STXBP5L: variants seen among roughly 807,000 people sequenced by gnomAD.
STXBP5L encodes syntaxin binding protein 5L.
STXBP5L carries 65 observed loss-of-function variants against 144.5 expected under a neutral mutation model. The ratio of observed to expected loss-of-function variants is 0.45; its 90% CI spans 0.37 to 0.55. The LOEUF (loss-of-function observed/expected upper bound fraction) is 0.55, where lower values mean the gene tolerates loss of function less well. Ranked by LOEUF, STXBP5L falls within the 20% of genes least tolerant of loss-of-function variation. STXBP5L has a pLI of 0.00. For synonymous variants in STXBP5L, 505 were observed against 469.6 expected, an observed-to-expected ratio of 1.08 and a Z score of -0.97; for missense variants, 1,298 against 1,405.5, an observed-to-expected ratio of 0.92 and a Z score of 1.22.
At chr3:121,204,608 A>C (rs920484335) in intron 9 of STXBP5L, among the ~76,000 whole-genome samples, 2 of 145,470 alleles carry the variant, frequency 1.4e-5, no homozygotes, top group African/African-American at 4.9e-5. Context: ...TATGTAATAG[A>C]TATGTAATAG....
At chr3:121,159,770 C>A (rs887166204) in intron 9 of STXBP5L, among the ~76,000 whole-genome samples, 1 of 151,660 alleles carries the variant, frequency 6.6e-6, no homozygotes, top group Non-Finnish European at 1.5e-5. Flanking sequence ...GCTGGGACTA[C>A]AGGCGCCCGC....
chr3:121,048,401 G>T (rs1027959444), intron 5 of STXBP5L, among the ~76,000 whole-genome samples: 1 of 152,100 alleles, frequency 6.6e-6, no homozygotes, highest in Admixed American at 6.6e-5. Context: ...CTCTAGTGAG[G>T]CTGGGGACGT....
intron 3 of STXBP5L, among the ~76,000 whole-genome samples, chr3:120,995,478 C>A (rs2108000912): frequency 6.6e-6 from 1 of 152,072 alleles, no homozygotes; most frequent in South Asian, 2.1e-4. Flanking sequence ...TTCTGTTTCT[C>A]TTTTCTTACC....
chr3:121,414,805 T>G (rs1291930775), intron 24 of STXBP5L, among the ~76,000 whole-genome samples: 1 of 152,204 alleles, frequency 6.6e-6, no homozygotes, highest in Non-Finnish European at 1.5e-5. Context: ...ATTAAAAAGT[T>G]TTAGCAGATT....
At chr3:121,205,307 G>T (rs1331791348) in intron 9 of STXBP5L, among the ~76,000 whole-genome samples, 3 of 152,198 alleles carry the variant, frequency 2.0e-5, no homozygotes, top group Non-Finnish European at 2.9e-5. Flanking sequence ...TTATAACATG[G>T]TGGAAGGTAT....
Position 120,990,934 on chromosome 3 carries a change from A to T in STXBP5L, c.287+35897A>T, listed in dbSNP as rs954168152. The stretch of plus-strand genomic sequence containing the variant: ...CATAGGCATGGGCAAGGACTTCATG[A>T]CTAAAACACCAAAAGCAATGGCAAC... On this transcript the variant is annotated intron_variant, in intron 3 of 26. Transcript: ENST00000471454. 3.9e-4 allele frequency among the ~76,000 whole-genome samples: 60 copies of T among 152,142 alleles called. 1 individual carries two copies. In the East Asian group the frequency reaches 8.9e-3, roughly 23 times the overall value.
In STXBP5L at chr3:121,152,269, A is replaced by C. The variant is rs1875867; in HGVS notation, c.670-208A>C. Among the ~76,000 whole-genome samples, 19,696 of 151,602 alleles carry C rather than the reference A, an allele frequency of 0.13. 1,308 individuals carry two copies. The highest frequency in any genetic ancestry group is 0.14 in the Non-Finnish European group (9,388 of 67,862). ...TATATTCTTCCTTATTTCCTCTTTGAAATTAGGTGATTTATTGGTAAGTGT... is the reference window on the plus strand; with the variant it reads ...TATATTCTTCCTTATTTCCTCTTTGCAATTAGGTGATTTATTGGTAAGTGT... On this transcript the variant is annotated intron_variant, in intron 7 of 26. Coordinates refer to ENST00000471454, the MANE Select transcript of STXBP5L (RefSeq NM_001308330.2).
At chr3:121,005,999 G>C (rs1037557867) in intron 3 of STXBP5L, among the ~76,000 whole-genome samples, 1 of 152,154 alleles carries the variant, frequency 6.6e-6, no homozygotes, top group Non-Finnish European at 1.5e-5. Context: ...GAATAGGTAT[G>C]GTGTGGTGCT....
chr3:121,048,133 T>G (rs1467140434), intron 5 of STXBP5L, among the ~76,000 whole-genome samples: 1 of 152,216 alleles, frequency 6.6e-6, no homozygotes, highest in African/African-American at 2.4e-5. Context: ...TATGAAATTC[T>G]TGCTTGGAAA....
chr3:120,966,400 CTCCCCA>C (rs1939578187), intron 3 of STXBP5L, among the ~76,000 whole-genome samples: 1 of 152,200 alleles, frequency 6.6e-6, no homozygotes, highest in African/African-American at 2.4e-5. Context: ...GCTCTGGTTT[CTCCCCA>C]TCTTTGTGGC....
At chr3:121,150,690 T>A (rs1411660575) in intron 7 of STXBP5L, among the ~76,000 whole-genome samples, 2 of 152,118 alleles carry the variant, frequency 1.3e-5, no homozygotes, top group African/African-American at 4.8e-5. Flanking sequence ...TTTAGAAAGA[T>A]TATATTATTC....
intron 3 of STXBP5L, among the ~76,000 whole-genome samples, chr3:121,031,775 A>G (rs1024226516): frequency 6.6e-6 from 1 of 152,142 alleles, no homozygotes; most frequent in Non-Finnish European, 1.5e-5. Context: ...AAGGAGTTGC[A>G]ATGTGAAAGA....
intron 4 of STXBP5L, 83 bp downstream of exon 4, chr3:121,041,864 G>A (rs1392380158): frequency 2.3e-6 from 2 of 883,678 alleles, no homozygotes; most frequent in East Asian, 2.5e-5. Flanking sequence ...TAAATACTGT[G>A]ATTCTAAATG....
At chr3:121,419,004 T>G in intron 26 of STXBP5L, 52 bp from the exon 27 acceptor site, 1 of 1,579,744 alleles carries the variant, frequency 6.3e-7, no homozygotes, top group South Asian at 1.2e-5. Flanking sequence ...TTGCTTTGAA[T>G]AGCACTTTTA....
chr3:120,920,738 G>A (rs531315051), intron 2 of STXBP5L, among the ~76,000 whole-genome samples: 109 of 151,856 alleles, frequency 7.2e-4, no homozygotes, highest in African/African-American at 2.5e-3. Flanking sequence ...GAGAACCTGT[G>A]ATATTTGTTT....
rs574969032 is a variant in STXBP5L, at chr3:121,192,441, T to A, written c.878-13482T>A. On this transcript the variant is annotated intron_variant, in intron 9 of 26. Transcript: ENST00000471454. ...AATGCCGTCTCCATCAAGCTATCAA[T>A]GACTTTCTTCACAGAATTGGAAAAC... 5.1e-4 allele frequency among the ~76,000 whole-genome samples: 77 copies of A among 152,142 alleles called. 3 individuals carry two copies. Among genetic ancestry groups the A allele is most frequent in the Non-Finnish European group, 4.4e-5 (3 of 68,032 alleles).
intron 19 of STXBP5L, among the ~76,000 whole-genome samples, chr3:121,304,095 G>A (rs146501923): frequency 6.6e-6 from 1 of 151,630 alleles, no homozygotes; most frequent in African/African-American, 2.4e-5. Flanking sequence ...CCCCAAAAAA[G>A]CTGATATGGC....
Position 121,407,356 on chromosome 3 carries a change from A to G in STXBP5L, c.2701A>G (p.Asn901Asp). The G allele has an allele frequency of 3.1e-6, 5 of 1,613,024 alleles. No individual in the cohort carries two copies. The highest frequency in any genetic ancestry group is 4.2e-6 in the Non-Finnish European group (5 of 1,179,338). The change falls in exon 23 of 27, where the codon AAT (asparagine) becomes GAT (aspartate). Residue 901 changes from asparagine (N) to aspartate (D), a missense_variant. Physicochemically the swap from Asn to Asp is conservative, Grantham distance 23. Coordinates refer to ENST00000471454, the MANE Select transcript of STXBP5L (RefSeq NM_001308330.2). ...VWRDPNNIDE[N>D]EKSWRRKVVM... ...GAGGGATCCAAACAACATAGATGAA[A>G]ATGAAAAATCTTGGAGAAGGAAAGT...
chr3:121,207,033 A>ACTGCT (rs1046182265), intron 10 of STXBP5L, among the ~76,000 whole-genome samples: 9 of 152,218 alleles, frequency 5.9e-5, no homozygotes, highest in African/African-American at 2.2e-4. Context: ...TTTGTTTATA[A>ACTGCT]CTGCTCTTTT....
Sources: gnomAD v4.1 joint callset for allele counts (sites outside exome capture counted in the v4.1 genomes callset) on GRCh38, gnomAD v4.1.1 for gene constraint, MANE v1.5 for transcripts, NCBI Gene and HGNC (gene_info 2026-07-23, HGNC 2026-07-21) for gene names.